The following XKR4 variants were observed in gnomAD, a reference collection of about 807,000 sequenced individuals.
The protein encoded by XKR4 is XK related 4.
In XKR4, 12 loss-of-function variants were observed where a neutral mutation model predicts 53.9. The ratio of observed to expected loss-of-function variants is 0.22; its 90% CI spans 0.14 to 0.36. The LOEUF is 0.36. Ranked by LOEUF, XKR4 falls within the 10% of genes least tolerant of loss-of-function variation. The pLI, the probability that XKR4 is intolerant of heterozygous loss-of-function variation, is 1.00. For synonymous variants in XKR4, 354 were observed against 362.4 expected (o/e 0.98, Z 0.26); for missense variants, 799 against 859.5 (o/e 0.93, Z 0.88).
rs755287960 is a variant in XKR4, at chr8:55,242,804, A to G, written c.807-114874A>G. Among the ~76,000 whole-genome samples, 9 of 152,088 alleles carry G rather than the reference A, an allele frequency of 5.9e-5. No individual in the cohort carries two copies. In the East Asian group the frequency reaches 7.7e-4, roughly 13 times the overall value. ...ATCTAGTCTGCGGGCATTACCAGAG[A>G]TGTGTCCAGAGAGTTCTACAGAGAG... On this transcript the variant is annotated intron_variant, in intron 1 of 2. Coordinates refer to ENST00000327381, the MANE Select transcript of XKR4 (RefSeq NM_052898.2).
chr8:55,496,703 A>C (rs1806355827), intron 2 of XKR4, among the ~76,000 whole-genome samples: 1 of 152,168 alleles, frequency 6.6e-6, no homozygotes, highest in South Asian at 2.1e-4. Context: ...TTATATTTGA[A>C]TCTCTATATG....
intron 2 of XKR4, among the ~76,000 whole-genome samples, chr8:55,368,810 T>A (rs78288292): frequency 0.011 from 1,637 of 152,314 alleles, 25 homozygotes; most frequent in African/African-American, 0.037. Flanking sequence ...CTACTTCAGT[T>A]TGTATTGGCT....
intron 1 of XKR4, among the ~76,000 whole-genome samples, chr8:55,244,010 A>T (rs1818248153): frequency 2.0e-5 from 3 of 152,156 alleles, no homozygotes; most frequent in Admixed American, 1.3e-4. Context: ...TTTTGAAAAA[A>T]CCAAATATCC....
At chr8:55,226,040 G>A (rs1468089781) in intron 1 of XKR4, among the ~76,000 whole-genome samples, 3 of 152,136 alleles carry the variant, frequency 2.0e-5, no homozygotes, top group East Asian at 1.9e-4. Flanking sequence ...CATCCACAGC[G>A]ACTGTGGTCC....
intron 1 of XKR4, among the ~76,000 whole-genome samples, chr8:55,357,429 G>T (rs915688278): frequency 1.3e-5 from 2 of 152,126 alleles, no homozygotes; most frequent in Non-Finnish European, 2.9e-5. Flanking sequence ...TCCACCTCAC[G>T]CTTCTTCATA....
At chr8:55,355,985 T>C (rs1803792279) in intron 1 of XKR4, among the ~76,000 whole-genome samples, 1 of 152,212 alleles carries the variant, frequency 6.6e-6, no homozygotes, top group South Asian at 2.1e-4. Context: ...AAAGAACCTA[T>C]ACTCACCCAA....
rs535954129 is a variant in XKR4, at chr8:55,289,521, A to C, written c.807-68157A>C. ...CAGAGTGAGATTCTGTCTCAAAAAA[A>C]AAAAAAGAAAAGAAAGAAAGAAGGA... On this transcript the variant is annotated intron_variant, in intron 1 of 2. Transcript: ENST00000327381. 3.0e-4 allele frequency among the ~76,000 whole-genome samples: 39 copies of C among 130,828 alleles called. 3 individuals are homozygous for C. In the South Asian group the frequency reaches 9.0e-3, roughly 30 times the overall value. 85.8% of individuals were successfully genotyped at this position (130,828 alleles called of 152,430 possible). A position where few individuals can be genotyped will look rare whatever the true frequency, so the allele number is the denominator to read the frequency against.
intron 2 of XKR4, among the ~76,000 whole-genome samples, chr8:55,405,065 A>T (rs886263691): frequency 1.3e-5 from 2 of 152,216 alleles, no homozygotes; most frequent in Non-Finnish European, 2.9e-5. Flanking sequence ...TAGATGATTT[A>T]GACATTCTTT....
intron 1 of XKR4, among the ~76,000 whole-genome samples, chr8:55,145,185 T>C (rs1165786814): frequency 6.6e-6 from 1 of 152,064 alleles, no homozygotes; most frequent in African/African-American, 2.4e-5. Flanking sequence ...GCAGATTGGA[T>C]CACCCCTTCA....
At chr8:55,106,398 G>A (rs1816147555) in intron 1 of XKR4, among the ~76,000 whole-genome samples, 1 of 152,156 alleles carries the variant, frequency 6.6e-6, no homozygotes, top group Non-Finnish European at 1.5e-5. Flanking sequence ...AGTCGCAGGA[G>A]GTGAGCTTGG....
Position 55,103,124 on chromosome 8 carries a change from G to T in XKR4, c.636G>T (p.Pro212=), listed in dbSNP as rs1351243691. Residue 212 remains proline, a synonymous_variant, in exon 1 of 3, where the codon CCG becomes CCT. Coordinates refer to ENST00000327381, the MANE Select transcript of XKR4 (RefSeq NM_052898.2). ...AAGGCGAGGCTCGTCCTTCCACGCC[G>T]CAAAGGCAAGCATCTAACGCCAGCA... ...AGEGEARPST[P]QRQASNASKS... 1.2e-5 allele frequency: 19 copies of T among 1,613,540 alleles called. No homozygotes were observed. The highest frequency in any genetic ancestry group is 2.2e-5 in the South Asian group (2 of 91,086).
chr8:55,468,787 C>T (rs1805826864), intron 2 of XKR4, among the ~76,000 whole-genome samples: 1 of 152,100 alleles, frequency 6.6e-6, no homozygotes, highest in Non-Finnish European at 1.5e-5. Flanking sequence ...CACTCTGATT[C>T]GTCTTGATGT....
intron 2 of XKR4, among the ~76,000 whole-genome samples, chr8:55,362,493 T>C (rs1803920838): frequency 6.6e-6 from 1 of 152,034 alleles, no homozygotes; most frequent in Non-Finnish European, 1.5e-5. Flanking sequence ...GGGGAGAGCA[T>C]TTTAGACATT....
At chr8:55,478,187 C>T (rs1806031940) in intron 2 of XKR4, among the ~76,000 whole-genome samples, 2 of 152,148 alleles carry the variant, frequency 1.3e-5, no homozygotes, top group Admixed American at 6.5e-5. Flanking sequence ...GCCCATCAGA[C>T]TAACAGCGGA....
At chr8:55,182,886 G>A (rs1413429352) in intron 1 of XKR4, among the ~76,000 whole-genome samples, 3 of 117,256 alleles carry the variant, frequency 2.6e-5, no homozygotes, top group African/African-American at 9.8e-5. Context: ...GAAAAATTGA[G>A]GTCCTAATTA....
At chr8:55,245,661 C>CCAAG (rs1234162330) in intron 1 of XKR4, among the ~76,000 whole-genome samples, 13 of 152,162 alleles carry the variant, frequency 8.5e-5, no homozygotes, top group Non-Finnish European at 1.9e-4. Flanking sequence ...GCCTGCTGCT[C>CCAAG]CAAGAGTCTC....
intron 1 of XKR4, among the ~76,000 whole-genome samples, chr8:55,314,590 T>C (rs146333378): frequency 1.5e-3 from 221 of 152,328 alleles, no homozygotes; most frequent in African/African-American, 5.1e-3. Context: ...TGATAAGAAC[T>C]TGAAGGAGAA....
intron 1 of XKR4, among the ~76,000 whole-genome samples, chr8:55,344,441 C>A (rs1282089055): frequency 6.7e-6 from 1 of 149,916 alleles, no homozygotes; most frequent in Non-Finnish European, 1.5e-5. Context: ...ATTCTGTTAA[C>A]CCTGTCTGTT....
chr8:55,432,834 A>G (rs918731088), intron 2 of XKR4, among the ~76,000 whole-genome samples: 2 of 150,692 alleles, frequency 1.3e-5, no homozygotes, highest in African/African-American at 4.9e-5. Context: ...TTCCTTCTAC[A>G]CTAGAGGAGA....
Sources: allele counts gnomAD v4.1 joint callset (sites outside exome capture counted in the v4.1 genomes callset), GRCh38; gene constraint gnomAD v4.1.1; transcripts MANE v1.5; gene names NCBI Gene and HGNC (gene_info 2026-07-23, HGNC 2026-07-21).